Variants in LPP observed in about 807,000 individuals in gnomAD.
LPP encodes the protein lipoma-preferred partner.
LPP carries 38 observed loss-of-function variants against 60.4 expected under a neutral mutation model. The observed-to-expected ratio is 0.63, with a 90% CI of 0.49 to 0.83. LPP has a LOEUF of 0.83. Ranked by LOEUF, LPP falls within the 40% of genes least tolerant of loss-of-function variation. The pLI, the probability that LPP is intolerant of heterozygous loss-of-function variation, is 0.00. For synonymous variants in LPP, 328 were observed against 290.8 expected, an observed-to-expected ratio of 1.13 and a Z score of -1.30; for missense variants, 902 against 783.6, an observed-to-expected ratio of 1.15 and a Z score of -1.80.
intron 3 of LPP, among the ~76,000 whole-genome samples, chr3:188,371,883 C>G (rs1387198052): frequency 6.6e-6 from 1 of 151,276 alleles, no homozygotes; most frequent in Non-Finnish European, 1.5e-5. Context: ...GTCTTGAACT[C>G]CTGACCTCAA....
intron 2 of LPP, among the ~76,000 whole-genome samples, chr3:188,264,772 TTCTC>T (rs879879562): frequency 3.7e-5 from 5 of 135,656 alleles, no homozygotes; most frequent in Non-Finnish European, 6.7e-5. Flanking sequence ...ACCTTTTTTC[TTCTC>T]TCTCTCTCTC....
At chr3:188,634,915 G>A (rs927952935) in intron 7 of LPP, among the ~76,000 whole-genome samples, 2 of 152,030 alleles carry the variant, frequency 1.3e-5, no homozygotes, top group Non-Finnish European at 2.9e-5. Flanking sequence ...TGGAAAAATT[G>A]GAGACCACAG....
chr3:188,734,135 T>C (rs1721657355), intron 8 of LPP, among the ~76,000 whole-genome samples: 1 of 152,222 alleles, frequency 6.6e-6, no homozygotes, highest in Admixed American at 6.5e-5. Flanking sequence ...TATTTCTCTG[T>C]CTCTTCTGTT....
chr3:188,609,302 A>G lies in LPP; in HGVS notation c.571A>G (p.Ile191Val), dbSNP rs1455033616. The G allele has an allele frequency of 3.7e-6, 6 of 1,613,808 alleles. No individual in the cohort carries two copies. The highest frequency in any genetic ancestry group is 1.3e-5 in the African/African-American group (1 of 74,828). The change falls in exon 7 of 12, where the codon ATC becomes GTC. Residue 191 changes from isoleucine (I) to valine (V), a missense_variant. Transcript: ENST00000617246. This position sits in a 1 kb window ranked among gnomAD's most constrained non-coding sequence, Gnocchi z 6.9. The part of the protein sequence containing the change: ...KPQPAPQAGP[I>V]PVAPIGTLKP... Reference sequence around the variant, plus strand: ...ACAGCCTGCACCCCAGGCTGGACCCATCCCTGTGGCTCCAATCGGAACACT... The same window carrying G: ...ACAGCCTGCACCCCAGGCTGGACCCGTCCCTGTGGCTCCAATCGGAACACT...
intron 6 of LPP, among the ~76,000 whole-genome samples, chr3:188,606,994 A>G (rs1026044809): frequency 6.6e-6 from 1 of 152,240 alleles, no homozygotes; most frequent in Admixed American, 6.5e-5. Flanking sequence ...AAGCAGTTCA[A>G]AATTTGCATA....
At chr3:188,712,198 G>C (rs1473269508) in intron 8 of LPP, 1 of 152,202 alleles carries the variant, frequency 6.6e-6, no homozygotes, top group Admixed American at 6.5e-5. Flanking sequence ...CCAGAGCCAG[G>C]ATGCACTTCT....
intron 7 of LPP, among the ~76,000 whole-genome samples, chr3:188,694,644 G>A (rs1862823791): frequency 1.3e-5 from 2 of 151,706 alleles, no homozygotes; most frequent in African/African-American, 4.8e-5. Context: ...AGAGGTTGCG[G>A]TGAGCCGAGA....
rs1409577598 is a variant in LPP at position 188,388,921 on chromosome 3, A to C, written c.-9-17191A>C. On this transcript the variant is annotated intron_variant, in intron 3 of 11. Transcript: ENST00000617246. ...CAAAAGCATCAATAGACAATATGTA[A>C]TATGTCTCATATATAAACAAATAGA... Among the ~76,000 whole-genome samples the C allele has an allele frequency of 2.0e-5, 3 of 152,184 alleles. No homozygotes were observed. The East Asian group carries it at 5.8e-4, about 29-fold the overall frequency.
chr3:188,786,382 C>CAAAAAAAAAAAAAAA (rs57565042), intron 9 of LPP, among the ~76,000 whole-genome samples: 6 of 76,646 alleles, frequency 7.8e-5, no homozygotes, highest in African/African-American at 2.9e-4. Flanking sequence ...GACTCCGTCT[C>CAAAAAAAAAAAAAAA]AAAAAAAAAA....
At chr3:188,608,167 C>T (rs1012988157) in intron 6 of LPP, among the ~76,000 whole-genome samples, 11 of 152,176 alleles carry the variant, frequency 7.2e-5, no homozygotes, top group African/African-American at 2.7e-4. Flanking sequence ...CCCTGTGTGT[C>T]TGCCTTCTCT....
In LPP at chr3:188,441,866, C is replaced by T. The variant is rs529161334; in HGVS notation, c.193+35553C>T. ...GTCTCCATCTCCTGACCTCATGATC[C>T]GCCCACCTCGGCCTCCCAAGTGCTG... On this transcript the variant is annotated intron_variant, in intron 4 of 11. Coordinates refer to ENST00000617246, the MANE Select transcript of LPP (RefSeq NM_001375462.1). Among the ~76,000 whole-genome samples the T allele has an allele frequency of 1.1e-4, 17 of 151,796 alleles. No homozygotes were observed. The South Asian group carries it at 2.3e-3, about 20-fold the overall frequency.
In LPP at chr3:188,512,455, G is replaced by A. The variant is rs2150042121; in HGVS notation, c.307-12210G>A. Among the ~76,000 whole-genome samples, 2 of 144,232 alleles carry A rather than the reference G, an allele frequency of 1.4e-5. 1 individual carries two copies. Among genetic ancestry groups the A allele is most frequent in the Admixed American group, 1.5e-4 (2 of 13,776 alleles). 94.6% of individuals were successfully genotyped at this position (144,232 alleles called of 152,430 possible). On this transcript the variant is annotated intron_variant, in intron 5 of 11. Coordinates refer to ENST00000617246, the MANE Select transcript of LPP (RefSeq NM_001375462.1). Reference sequence around the variant, plus strand: ...TAATCCTAGCTACTCGGGAGGCTTAGGCAGGAGAATTGCTTGAACCTGGGA... The same window carrying A: ...TAATCCTAGCTACTCGGGAGGCTTAAGCAGGAGAATTGCTTGAACCTGGGA...
At chr3:188,451,316 T>C (rs1796537660) in intron 4 of LPP, among the ~76,000 whole-genome samples, 2 of 152,208 alleles carry the variant, frequency 1.3e-5, no homozygotes, top group African/African-American at 4.8e-5. Context: ...TTTCTGGTCA[T>C]GGCTATCTCT....
intron 2 of LPP, among the ~76,000 whole-genome samples, chr3:188,305,619 G>A (rs577455068): frequency 6.6e-6 from 1 of 152,098 alleles, no homozygotes; most frequent in Non-Finnish European, 1.5e-5. Flanking sequence ...ACACACACAC[G>A]CAAAGTGATT....
chr3:188,237,282 C>T (rs907453134), intron 2 of LPP, among the ~76,000 whole-genome samples: 2 of 152,182 alleles, frequency 1.3e-5, no homozygotes, highest in African/African-American at 2.4e-5. Flanking sequence ...CAGTTATTTC[C>T]TCCACTGGTC....
intron 7 of LPP, among the ~76,000 whole-genome samples, chr3:188,650,648 G>A (rs556570533): frequency 6.6e-6 from 1 of 152,214 alleles, no homozygotes; most frequent in African/African-American, 2.4e-5. Context: ...CAAATAATAA[G>A]CATTTGGTTG....
intron 6 of LPP, among the ~76,000 whole-genome samples, chr3:188,571,113 A>G (rs1014018279): frequency 6.6e-6 from 1 of 152,094 alleles, no homozygotes; most frequent in Non-Finnish European, 1.5e-5. Context: ...ATCAATCATT[A>G]TACTTGTTCA....
chr3:188,802,842 A>G (rs1291589159), intron 9 of LPP, among the ~76,000 whole-genome samples: 1 of 152,126 alleles, frequency 6.6e-6, no homozygotes, highest in Non-Finnish European at 1.5e-5. Context: ...TACATATCAT[A>G]AAAGTATACT....
At chr3:188,257,558 A>G (rs559370872) in intron 2 of LPP, among the ~76,000 whole-genome samples, 323 of 152,340 alleles carry the variant, frequency 2.1e-3, no homozygotes, top group Non-Finnish European at 3.6e-3. Context: ...AAGTGTGAAT[A>G]ATACTTCTTC....
Sources: allele counts gnomAD v4.1 joint callset (sites outside exome capture counted in the v4.1 genomes callset), GRCh38; gene constraint gnomAD v4.1.1; non-coding constraint Gnocchi (gnomAD v3.1); transcripts MANE v1.5; gene names NCBI Gene and HGNC (gene_info 2026-07-23, HGNC 2026-07-21).